Variants in ABCC8 observed in about 807,000 individuals in gnomAD.
The protein encoded by ABCC8 is ATP binding cassette subfamily C member 8, also known as ATP-binding cassette sub-family C member 8.
Under a neutral mutation model 188.0 loss-of-function variants are expected in ABCC8, and 137 were observed. That is an observed-to-expected ratio of 0.73 (90% CI 0.63 to 0.84). The LOEUF is 0.84. ABCC8 is among the 40% of genes least tolerant of loss of function. ABCC8 has a pLI of 0.00. For missense variants in ABCC8, 1,750 were observed against 2,072.7 expected (o/e 0.84, Z 3.02); for synonymous variants, 797 against 846.5 (o/e 0.94, Z 1.01).
chr11:17,402,844 G>T, intron 28 of ABCC8, 91 bp from the exon 29 acceptor site: 1 of 1,499,564 alleles, frequency 6.7e-7, no homozygotes, highest in Non-Finnish European at 9.3e-7. Context: ...ACCGCTGTGT[G>T]GGTGAATGGC....
At position 17,427,812 on chromosome 11, in the gene ABCC8, T is replaced by C; in HGVS notation, c.2116+55A>G. 3 of 1,603,004 alleles carry C rather than the reference T, an allele frequency of 1.9e-6. No individual in the cohort carries two copies. The highest frequency in any genetic ancestry group is 2.6e-6 in the Non-Finnish European group (3 of 1,173,408). Reference sequence around the variant, plus strand: ...ATGCAGCTTTGTCTTTTTATCTCTATGTTATTCAGTGGGACATGGGGAGGG... The same window carrying C: ...ATGCAGCTTTGTCTTTTTATCTCTACGTTATTCAGTGGGACATGGGGAGGG... On this transcript the variant is annotated intron_variant, in intron 15 of 38. Coordinates refer to ENST00000389817, the MANE Select transcript of ABCC8 (RefSeq NM_000352.6). This position sits in a 1 kb window ranked among gnomAD's most constrained non-coding sequence, Gnocchi z 5.0.
At chr11:17,447,801 A>C (rs866335581) in intron 8 of ABCC8, among the ~76,000 whole-genome samples, 22 of 152,202 alleles carry the variant, frequency 1.4e-4, no homozygotes, top group African/African-American at 5.1e-4. Flanking sequence ...TTTGTTGCCT[A>C]GGCTAAAAGT....
intron 3 of ABCC8, among the ~76,000 whole-genome samples, chr11:17,466,113 C>A (rs998525276): frequency 1.3e-5 from 2 of 152,056 alleles, no homozygotes; most frequent in Non-Finnish European, 2.9e-5. Context: ...CATAAAAAGA[C>A]AAATAGGCCA....
intron 8 of ABCC8, among the ~76,000 whole-genome samples, chr11:17,443,660 G>T (rs1956412448): frequency 6.6e-6 from 1 of 152,196 alleles, no homozygotes; most frequent in African/African-American, 2.4e-5. Flanking sequence ...TGTTCTATTT[G>T]CTGGCTCTCA....
intron 19 of ABCC8, among the ~76,000 whole-genome samples, chr11:17,414,162 G>A (rs1954950693): frequency 6.6e-6 from 1 of 152,226 alleles, no homozygotes; most frequent in Non-Finnish European, 1.5e-5. Flanking sequence ...GAGCGCAGTC[G>A]ATGCTAGCCC....
At chr11:17,402,171 A>T (rs1020789510) in intron 29 of ABCC8, among the ~76,000 whole-genome samples, 7 of 152,072 alleles carry the variant, frequency 4.6e-5, no homozygotes, top group Non-Finnish European at 7.4e-5. Context: ...GCTTTGTGGC[A>T]CCTTACACAG....
chr11:17,395,995 A>G, intron 33 of ABCC8, 65 bp from the exon 34 acceptor site: 1 of 1,549,346 alleles, frequency 6.5e-7, no homozygotes. Flanking sequence ...CCTCTATGCT[A>G]GCTCTGGGTG....
chr11:17,434,967 T>C (rs1465011373), intron 10 of ABCC8, among the ~76,000 whole-genome samples: 2 of 138,066 alleles, frequency 1.4e-5, no homozygotes, highest in South Asian at 2.3e-4. Context: ...AGTAGAATCA[T>C]CAGCTGCGTG....
At chr11:17,468,901 C>CATA (rs1848316636) in intron 3 of ABCC8, among the ~76,000 whole-genome samples, 2 of 152,134 alleles carry the variant, frequency 1.3e-5, no homozygotes, top group African/African-American at 4.8e-5. Context: ...CTGCCTGGGA[C>CATA]CCCAGTCCTG....
intron 16 of ABCC8, among the ~76,000 whole-genome samples, chr11:17,422,287 T>C (rs1955382863): frequency 6.6e-6 from 1 of 152,228 alleles, no homozygotes; most frequent in Non-Finnish European, 1.5e-5. Flanking sequence ...CTAGCCACTA[T>C]AAGGAGCTGC....
At position 17,460,512 on chromosome 11, in the gene ABCC8, C is replaced by T. The variant is rs1216809389; in HGVS notation, c.987G>A (p.Lys329=). Residue 329 remains lysine, a synonymous_variant, in exon 6 of 39, where the codon AAG becomes AAA. Transcript: ENST00000389817. The part of the protein sequence containing the change: ...CIFGIVDHLG[K]ENDVFQPKTQ... ...CCTTGGGCTGGAAGACGTCGTTCTC[C>T]TTCCCAAGGTGGTCCACGATCCCAA... 1 of 1,614,054 alleles carries T rather than the reference C, an allele frequency of 6.2e-7. No individual in the cohort carries two copies. Among genetic ancestry groups the T allele is most frequent in the East Asian group, 2.2e-5 (1 of 44,896 alleles).
At chr11:17,470,727 A>G (rs1305911506) in intron 2 of ABCC8, among the ~76,000 whole-genome samples, 1 of 152,166 alleles carries the variant, frequency 6.6e-6, no homozygotes, top group African/African-American at 2.4e-5. Context: ...GAGGAAACTG[A>G]GGCACGAAGA....
intron 6 of ABCC8, among the ~76,000 whole-genome samples, chr11:17,459,374 G>C (rs1293221978): frequency 6.6e-6 from 1 of 152,082 alleles, no homozygotes; most frequent in Non-Finnish European, 1.5e-5. Context: ...GCCCAACCCA[G>C]GCCTGGCACA....
intron 16 of ABCC8, among the ~76,000 whole-genome samples, chr11:17,421,205 C>T (rs1955325938): frequency 6.6e-6 from 1 of 152,150 alleles, no homozygotes; most frequent in African/African-American, 2.4e-5. Flanking sequence ...GCATGGGGCA[C>T]CTGGGGTACA....
intron 6 of ABCC8, among the ~76,000 whole-genome samples, chr11:17,455,449 A>G (rs1362250410): frequency 6.6e-6 from 1 of 152,178 alleles, no homozygotes; most frequent in Non-Finnish European, 1.5e-5. Context: ...AAAGGCTGCA[A>G]AACCTTTGAC....
intron 16 of ABCC8, 64 bp from the exon 17 acceptor site, chr11:17,417,026 C>T (rs901708667): frequency 1.6e-5 from 25 of 1,610,328 alleles, no homozygotes; most frequent in Admixed American, 8.4e-5. Context: ...CTTTCCATCA[C>T]GCTGAGTCTT....
intron 37 of ABCC8, 151 bp from the exon 38 acceptor site, chr11:17,393,910 C>T (rs545118628): frequency 2.1e-5 from 32 of 1,517,040 alleles, no homozygotes; most frequent in African/African-American, 6.9e-5. Flanking sequence ...AACAGGTTCC[C>T]GGCACTCAGG....
intron 10 of ABCC8, among the ~76,000 whole-genome samples, chr11:17,434,984 CGTGTGTGTGTGTGT>C (rs57580521): frequency 2.1e-5 from 3 of 144,650 alleles, no homozygotes; most frequent in Non-Finnish European, 4.5e-5. Context: ...CGTGTGTTCG[CGTGTGTGTGTGTGT>C]GTGTGTGTGT....
intron 16 of ABCC8, among the ~76,000 whole-genome samples, chr11:17,419,698 C>G (rs1955246790): frequency 6.6e-6 from 1 of 152,132 alleles, no homozygotes; most frequent in African/African-American, 2.4e-5. Context: ...TAGAAGAAGT[C>G]ATAGCTGAAC....
Sources: gnomAD v4.1 joint callset for allele counts (sites outside exome capture counted in the v4.1 genomes callset) on GRCh38, gnomAD v4.1.1 for gene constraint, Gnocchi (gnomAD v3.1) non-coding constraint, MANE v1.5 for transcripts, NCBI Gene and HGNC (gene_info 2026-07-23, HGNC 2026-07-21) for gene names.